Variants in ZCCHC9 observed in about 807,000 individuals in gnomAD.
ZCCHC9 encodes the protein zinc finger CCHC domain-containing protein 9.
Under a neutral mutation model 30.8 loss-of-function variants are expected in ZCCHC9, and 18 were observed. The observed-to-expected ratio is 0.58, with a 90% confidence interval of 0.40 to 0.87. The LOEUF (loss-of-function observed/expected upper bound fraction) is 0.87, where lower values mean the gene tolerates loss of function less well. Among genes scored for constraint, ZCCHC9 ranks in the 40% least tolerant of loss-of-function variants. The probability of loss-of-function intolerance (pLI) is 0.00; values close to 1 mark genes in which losing one functional copy is unlikely to be tolerated. For missense variants in ZCCHC9, 279 were observed against 331.2 expected, an observed-to-expected ratio of 0.84 and a Z score of 1.22; for synonymous variants, 94 against 106.7, an observed-to-expected ratio of 0.88 and a Z score of 0.73.
At chr5:81,309,702 G>A (rs563944728) in intron 4 of ZCCHC9, among the ~76,000 whole-genome samples, 2 of 152,242 alleles carry the variant, frequency 1.3e-5, no homozygotes, top group South Asian at 4.1e-4. Context: ...GGGTTACAGC[G>A]CCAGCACTGC....
chr5:81,305,289 A>G (rs774095791), intron 2 of ZCCHC9, 148 bp downstream of exon 2: 17 of 1,064,862 alleles, frequency 1.6e-5, no homozygotes, highest in Non-Finnish European at 2.2e-5. Context: ...CTTTTTTAGC[A>G]CATATATGCT....
chr5:81,311,344 C>A, intron 5 of ZCCHC9, 65 bp downstream of exon 5: 1 of 1,499,796 alleles, frequency 6.7e-7, no homozygotes, highest in Non-Finnish European at 9.3e-7. Flanking sequence ...TTATTCTGCA[C>A]TTGTTATTAA....
rs2270825 is a variant in ZCCHC9 at position 81,312,726 on chromosome 5, G to A, written c.*64G>A. 0.07 allele frequency: 87,429 copies of A among 1,240,614 alleles called. 3,387 individuals carry two copies. Among genetic ancestry groups the A allele is most frequent in the African/African-American group, 0.1 (6,789 of 67,638 alleles). 76.9% of individuals were successfully genotyped at this position (1,240,614 alleles called of 1,614,324 possible). On this transcript the variant is annotated 3_prime_UTR_variant, in exon 6 of 6. Coordinates refer to ENST00000407610, the MANE Select transcript of ZCCHC9 (RefSeq NM_001131035.2). ...ACTTTCTAAACCAGGCCCGCTTCAC[G>A]AGTTAGAGTTGAGCTCCCCTGTAGC...
rs565140151 is a variant in ZCCHC9 at position 81,306,471 on chromosome 5, T to G, written c.384+1330T>G. Among the ~76,000 whole-genome samples the G allele has an allele frequency of 2.0e-5, 3 of 152,338 alleles. No homozygotes were observed. In the South Asian group the frequency reaches 6.2e-4, roughly 32 times the overall value. On this transcript the variant is annotated intron_variant, in intron 2 of 5. Coordinates refer to ENST00000407610, the MANE Select transcript of ZCCHC9 (RefSeq NM_001131035.2). ...TTAAATATTTTAAGTCATTTTAGTT[T>G]AGTTGACATAGGCGGTATGGTGAAT... is the stretch of plus-strand genomic sequence containing the variant.
intron 3 of ZCCHC9, 29 bp downstream of exon 3, chr5:81,308,740 G>A (rs1355924516): frequency 1.9e-6 from 3 of 1,589,824 alleles, no homozygotes; most frequent in Non-Finnish European, 2.6e-6. Flanking sequence ...TTTTTGTTTT[G>A]TTCATGGGGA....
At chr5:81,305,960 A>T (rs1448188505) in intron 2 of ZCCHC9, among the ~76,000 whole-genome samples, 1 of 152,232 alleles carries the variant, frequency 6.6e-6, no homozygotes, top group Non-Finnish European at 1.5e-5. Flanking sequence ...GTTAGAGCAG[A>T]GTAATAGCAG....
intron 4 of ZCCHC9, 64 bp from the exon 5 acceptor site, chr5:81,311,147 T>G: frequency 6.4e-7 from 1 of 1,557,672 alleles, no homozygotes; most frequent in Non-Finnish European, 8.9e-7. Context: ...GTGAAAGTGC[T>G]TTGAGATGTT....
At chr5:81,308,051 A>ATCTATCTATCTATCTG (rs1554049994) in intron 2 of ZCCHC9, among the ~76,000 whole-genome samples, 2 of 142,912 alleles carry the variant, frequency 1.4e-5, no homozygotes, top group African/African-American at 5.2e-5. Flanking sequence ...CTATCTATCT[A>ATCTATCTATCTATCTG]TCTATCTTAT....
chr5:81,308,359 T>G, intron 2 of ZCCHC9: 2 of 538,402 alleles, frequency 3.7e-6, no homozygotes, highest in Non-Finnish European at 6.0e-6. Context: ...TTGATTGAGG[T>G]TTTCAAAAGC....
chr5:81,308,213 C>G (rs1580494801), intron 2 of ZCCHC9, among the ~76,000 whole-genome samples: 1 of 152,000 alleles, frequency 6.6e-6, no homozygotes, highest in East Asian at 1.9e-4. Flanking sequence ...CTGTCCATTT[C>G]CTATAGAAAA....
rs765577194 is a variant in ZCCHC9 at position 81,304,909 on chromosome 5, A to T, written c.152A>T (p.Asn51Ile). ...QLEANRLSLK[N>I]DAPQAKHKKN... ...GAAGCCAATAGGCTATCCCTCAAAA[A>T]TGATGCACCCCAAGCAAAACATAAA... Residue 51 changes from asparagine (N) to isoleucine (I), a missense_variant, in exon 2 of 6, where the codon AAT (asparagine) becomes ATT (isoleucine). Coordinates refer to ENST00000407610, the MANE Select transcript of ZCCHC9 (RefSeq NM_001131035.2). The T allele has an allele frequency of 6.2e-7, 1 of 1,614,178 alleles. No homozygotes were observed.
intron 4 of ZCCHC9, among the ~76,000 whole-genome samples, chr5:81,309,724 T>TG (rs965905411): frequency 1.3e-5 from 2 of 152,178 alleles, no homozygotes; most frequent in Admixed American, 6.5e-5. Flanking sequence ...ACTCACTAGC[T>TG]GGGGGGCTTT....
At chr5:81,311,158 A>G in intron 4 of ZCCHC9, 53 bp from the exon 5 acceptor site, 1 of 1,595,950 alleles carries the variant, frequency 6.3e-7, no homozygotes, top group Non-Finnish European at 8.6e-7. Context: ...TTGAGATGTT[A>G]AAAACCCCTT....
chr5:81,313,135 TAAGC>T lies in ZCCHC9; in HGVS notation c.*476_*479del, dbSNP rs768452697. On this transcript the variant is annotated 3_prime_UTR_variant, in exon 6 of 6. Transcript: ENST00000407610. ...TACGGAATAAAAATATGTTTTCTAT[TAAGC>T]AATAGAAATATTTTTGTGTATAATT... 2.6e-5 allele frequency: 4 copies of T among 152,306 alleles called. No homozygotes were observed. Among genetic ancestry groups the T allele is most frequent in the Non-Finnish European group, 5.9e-5 (4 of 68,098 alleles). 9.4% of individuals were successfully genotyped at this position (152,306 alleles called of 1,614,324 possible). A position where few individuals can be genotyped will look rare whatever the true frequency, so the allele number is the denominator to read the frequency against.
intron 5 of ZCCHC9, among the ~76,000 whole-genome samples, chr5:81,312,049 C>G (rs1758306497): frequency 6.6e-6 from 1 of 152,168 alleles, no homozygotes; most frequent in Admixed American, 6.6e-5. Flanking sequence ...TATTTACAAG[C>G]TTGTCTAGAA....
At position 81,308,658 on chromosome 5, in the gene ZCCHC9, G is replaced by A. The variant is rs376735791; in HGVS notation, c.482G>A (p.Gly161Glu). ...GGCACTGGGATATGTTACAGGTGTG[G>A]GTCCACAGAGCACGAAATAACCAAG... ...DMGTGICYRC[G>E]STEHEITKCK... The change falls in exon 3 of 6, where the codon GGG becomes GAG. Residue 161 changes from glycine (G) to glutamate (E), a missense_variant. Physicochemically the swap from Gly to Glu is moderately conservative, Grantham distance 98. Transcript: ENST00000407610. 1.1e-4 allele frequency: 178 copies of A among 1,613,606 alleles called. No individual in the cohort carries two copies. The highest frequency in any genetic ancestry group is 1.4e-4 in the Non-Finnish European group (165 of 1,179,864).
chr5:81,310,157 T>TAAAAAAAAACAAAA (rs1758230375), intron 4 of ZCCHC9, among the ~76,000 whole-genome samples: 1 of 104,776 alleles, frequency 9.5e-6, no homozygotes, highest in Non-Finnish European at 1.8e-5. Flanking sequence ...TGACTAGCTG[T>TAAAAAAAAACAAAA]AAAAAAAAAA....
In ZCCHC9 at chr5:81,301,630, C is replaced by T. The variant is rs1339650037; in HGVS notation, c.-86C>T. 3 of 152,356 alleles carry T rather than the reference C, an allele frequency of 2.0e-5. No individual in the cohort carries two copies. Among genetic ancestry groups the T allele is most frequent in the East Asian group, 1.9e-4 (1 of 5,208 alleles). 9.4% of individuals were successfully genotyped at this position (152,356 alleles called of 1,614,324 possible). A position where few individuals can be genotyped will look rare whatever the true frequency, so the allele number is the denominator to read the frequency against. ...CCAATACCGCAGGAGGGCGGTCTTC[C>T]CCGGCTCGCCAACTCGGCTGCTCTG... On this transcript the variant is annotated 5_prime_UTR_variant, in exon 1 of 6. Coordinates refer to ENST00000407610, the MANE Select transcript of ZCCHC9 (RefSeq NM_001131035.2).
At chr5:81,308,763 A>G (rs1185549193) in intron 3 of ZCCHC9, 52 bp downstream of exon 3, 7 of 1,569,782 alleles carry the variant, frequency 4.5e-6, no homozygotes, top group Non-Finnish European at 6.0e-6. Flanking sequence ...GCCAATAAAT[A>G]GCACCTTGGG....
Sources: gnomAD v4.1 joint callset for allele counts (sites outside exome capture counted in the v4.1 genomes callset) on GRCh38, gnomAD v4.1.1 for gene constraint, MANE v1.5 for transcripts, NCBI Gene and HGNC (gene_info 2026-07-23, HGNC 2026-07-21) for gene names.